DGKI: variants seen among roughly 807,000 people sequenced by gnomAD.
DGKI encodes the protein DAG kinase iota.
DGKI carries 55 observed loss-of-function variants against 147.5 expected under a neutral mutation model. The ratio of observed to expected loss-of-function variants is 0.37; its 90% CI spans 0.30 to 0.47. The LOEUF is 0.47. Among genes scored for constraint, DGKI ranks in the 20% least tolerant of loss-of-function variants. The probability of loss-of-function intolerance (pLI) is 1.00; values close to 1 mark genes in which losing one functional copy is unlikely to be tolerated. For synonymous variants in DGKI, 469 were observed against 477.1 expected (o/e 0.98, Z 0.22); for missense variants, 1,007 against 1,323.8 (o/e 0.76, Z 3.71).
At chr7:137,706,762 C>T (rs755342958) in intron 1 of DGKI, among the ~76,000 whole-genome samples, 78 of 151,706 alleles carry the variant, frequency 5.1e-4, no homozygotes, top group African/African-American at 1.6e-3. Context: ...TTAGTAGAGA[C>T]GGGGTTTCAC....
chr7:137,802,390 T>C (rs575385528), intron 1 of DGKI, among the ~76,000 whole-genome samples: 5 of 152,296 alleles, frequency 3.3e-5, no homozygotes, highest in Non-Finnish European at 7.3e-5. Flanking sequence ...ATTAAAATGA[T>C]TTTTAATATC....
At chr7:137,739,761 G>A (rs936462810) in intron 1 of DGKI, among the ~76,000 whole-genome samples, 35 of 143,664 alleles carry the variant, frequency 2.4e-4, no homozygotes, top group African/African-American at 8.8e-4. Flanking sequence ...AGACTGCCCA[G>A]AGAAAGTTGT....
At chr7:137,648,751 C>T (rs1395821597) in intron 5 of DGKI, among the ~76,000 whole-genome samples, 1 of 152,046 alleles carries the variant, frequency 6.6e-6, no homozygotes, top group East Asian at 1.9e-4. Context: ...TAATTGAAAC[C>T]TTGGAAAGCA....
At chr7:137,610,169 A>C (rs79665542) in intron 8 of DGKI, among the ~76,000 whole-genome samples, 2,346 of 152,102 alleles carry the variant, frequency 0.015, 62 homozygotes, top group African/African-American at 0.054. Flanking sequence ...CAGTTGTCTG[A>C]CATGTAAAAT....
intron 23 of DGKI, among the ~76,000 whole-genome samples, chr7:137,480,439 T>C (rs36016986): frequency 6.6e-6 from 1 of 152,114 alleles, no homozygotes; most frequent in Non-Finnish European, 1.5e-5. Flanking sequence ...AGAAAGGGGA[T>C]GAATGAAATA....
intron 1 of DGKI, among the ~76,000 whole-genome samples, chr7:137,698,819 A>G (rs1018577542): frequency 8.5e-5 from 13 of 152,192 alleles, no homozygotes; most frequent in African/African-American, 2.9e-4. Flanking sequence ...CCAAGACTGG[A>G]GCCCAGATGT....
At chr7:137,749,474 C>A (rs141385811) in intron 1 of DGKI, among the ~76,000 whole-genome samples, 25 of 152,298 alleles carry the variant, frequency 1.6e-4, no homozygotes, top group African/African-American at 6.0e-4. Flanking sequence ...GATCCAGGAT[C>A]TATGGCATTC....
chr7:137,538,719 G>A (rs1817594549), intron 20 of DGKI, among the ~76,000 whole-genome samples: 1 of 152,174 alleles, frequency 6.6e-6, no homozygotes, highest in Non-Finnish European at 1.5e-5. Context: ...CCTGGTGAAG[G>A]TGGGTCAGCA....
chr7:137,494,948 C>T (rs1438950980), intron 21 of DGKI, among the ~76,000 whole-genome samples: 2 of 151,914 alleles, frequency 1.3e-5, no homozygotes, highest in East Asian at 1.9e-4. Context: ...CGATGACACA[C>T]AAAACATCTA....
intron 1 of DGKI, among the ~76,000 whole-genome samples, chr7:137,700,003 T>A (rs1328815375): frequency 6.6e-6 from 1 of 152,202 alleles, no homozygotes; most frequent in Non-Finnish European, 1.5e-5. Context: ...TTAAAATTAT[T>A]TTCCTAAGCT....
intron 1 of DGKI, among the ~76,000 whole-genome samples, chr7:137,728,011 G>A (rs1200408658): frequency 1.3e-5 from 2 of 152,092 alleles, no homozygotes; most frequent in African/African-American, 2.4e-5. Flanking sequence ...ATTTACAGAA[G>A]TTTGGAGTGA....
At chr7:137,457,002 G>C (rs1814231109) in intron 27 of DGKI, among the ~76,000 whole-genome samples, 1 of 152,164 alleles carries the variant, frequency 6.6e-6, no homozygotes, top group Non-Finnish European at 1.5e-5. Flanking sequence ...CATAGGAATA[G>C]AGTGTTATTA....
intron 28 of DGKI, among the ~76,000 whole-genome samples, chr7:137,424,437 T>G (rs1812700662): frequency 6.6e-6 from 1 of 152,124 alleles, no homozygotes; most frequent in Non-Finnish European, 1.5e-5. Flanking sequence ...ACAGCTCCGG[T>G]CTACAGCTCC....
intron 6 of DGKI, among the ~76,000 whole-genome samples, chr7:137,633,207 G>A (rs1484634344): frequency 3.7e-5 from 4 of 108,502 alleles, no homozygotes; most frequent in Admixed American, 1.2e-4. Flanking sequence ...AGCGAAACTC[G>A]TTCTCAAAAA....
intron 8 of DGKI, among the ~76,000 whole-genome samples, chr7:137,619,140 A>C (rs1022895394): frequency 1.3e-5 from 2 of 152,208 alleles, no homozygotes; most frequent in African/African-American, 4.8e-5. Flanking sequence ...CATAACTTGA[A>C]GCTAACTGTC....
intron 21 of DGKI, among the ~76,000 whole-genome samples, chr7:137,517,272 GAAAAGA>G (rs1816786511): frequency 1.3e-5 from 1 of 76,134 alleles, no homozygotes; most frequent in Non-Finnish European, 2.5e-5. Flanking sequence ...AAGAAAGAAA[GAAAAGA>G]AAAAGAAAGA....
intron 1 of DGKI, chr7:137,722,895 A>AAAC (rs910435623): frequency 1.3e-6 from 1 of 782,556 alleles, no homozygotes; most frequent in African/African-American, 1.8e-5. Context: ...ACGTTAAAAA[A>AAAC]AAAAAAAAGT....
intron 23 of DGKI, among the ~76,000 whole-genome samples, chr7:137,480,637 C>A (rs917093105): frequency 6.6e-6 from 1 of 151,884 alleles, no homozygotes; most frequent in African/African-American, 2.4e-5. Flanking sequence ...TCTGTACCAC[C>A]CTGAAGAATG....
At chr7:137,516,677 T>G (rs1003116790) in intron 21 of DGKI, among the ~76,000 whole-genome samples, 10 of 152,058 alleles carry the variant, frequency 6.6e-5, no homozygotes, top group African/African-American at 2.4e-4. Flanking sequence ...AATGTTGGAT[T>G]TTCTAGTTTC....
Sources: allele counts gnomAD v4.1 joint callset (sites outside exome capture counted in the v4.1 genomes callset), GRCh38; gene constraint gnomAD v4.1.1; transcripts MANE v1.5; gene names NCBI Gene and HGNC (gene_info 2026-07-23, HGNC 2026-07-21).